Variants in MAP3K15 observed in about 807,000 individuals in gnomAD.
MAP3K15 encodes the protein mitogen-activated protein kinase kinase kinase 15.
A neutral mutation model predicts 99.5 loss-of-function variants in MAP3K15; 124 were observed. The ratio of observed to expected loss-of-function variants is 1.25; its 90% CI spans 1.08 to 1.45. The LOEUF (loss-of-function observed/expected upper bound fraction) is 1.45. Ranked by LOEUF, MAP3K15 falls within the 40% of genes most tolerant of loss-of-function variation. The pLI, the probability that MAP3K15 is intolerant of heterozygous loss-of-function variation, is 0.00. For missense variants in MAP3K15, 1,242 were observed against 1,079.7 expected (o/e 1.15, Z -2.11); for synonymous variants, 494 against 439.6 (o/e 1.12, Z -1.55).
At chrX:19,477,722 AG>A (rs1313034742) in intron 3 of MAP3K15, among the ~76,000 whole-genome samples, 1 of 69,399 alleles carries the variant, frequency 1.4e-5, no homozygotes. Flanking sequence ...AAAAAAAAAA[AG>A]AAGAAAAGAA....
At chrX:19,438,844 G>T (rs2063940333) in intron 6 of MAP3K15, among the ~76,000 whole-genome samples, 1 of 112,071 alleles carries the variant, frequency 8.9e-6, no homozygotes, top group Non-Finnish European at 1.9e-5. Context: ...CAATTAAGAT[G>T]TAGAAGAATG....
chrX:19,487,158 A>T (rs1356812804), intron 2 of MAP3K15, among the ~76,000 whole-genome samples: 1 of 109,651 alleles, frequency 9.1e-6, no homozygotes, highest in Non-Finnish European at 1.9e-5. Flanking sequence ...AGAAAACACC[A>T]TAACTAAACA....
chrX:19,488,071 C>T (rs1485092605), intron 2 of MAP3K15, among the ~76,000 whole-genome samples: 1 of 111,657 alleles, frequency 9.0e-6, no homozygotes, highest in Non-Finnish European at 1.9e-5. Flanking sequence ...CCGAGAAGCA[C>T]TGCTATAAAC....
intron 6 of MAP3K15, among the ~76,000 whole-genome samples, chrX:19,435,523 C>A (rs760468239): frequency 8.9e-6 from 1 of 111,944 alleles, no homozygotes; most frequent in Non-Finnish European, 1.9e-5. Flanking sequence ...CTTGAATTTT[C>A]TCATTAACTT....
At chrX:19,433,895 C>T (rs892196271) in intron 6 of MAP3K15, among the ~76,000 whole-genome samples, 3 of 110,992 alleles carry the variant, frequency 2.7e-5, no homozygotes, top group South Asian at 3.8e-4. Context: ...TGTCCATTAA[C>T]GGAAGAACAG....
At chrX:19,509,949 A>G (rs2064506617) in intron 1 of MAP3K15, among the ~76,000 whole-genome samples, 1 of 111,750 alleles carries the variant, frequency 8.9e-6, no homozygotes, top group Non-Finnish European at 1.9e-5. Flanking sequence ...AACTACCATC[A>G]GAGAACACTA....
chrX:19,483,950 T>C (rs1437379614), intron 3 of MAP3K15, among the ~76,000 whole-genome samples: 1 of 111,725 alleles, frequency 9.0e-6, no homozygotes, highest in African/African-American at 3.3e-5. Flanking sequence ...GCTTTTCCTC[T>C]TAGTGCAATT....
At chrX:19,456,478 T>A (rs746715267) in intron 6 of MAP3K15, among the ~76,000 whole-genome samples, 6 of 112,226 alleles carry the variant, frequency 5.3e-5, no homozygotes, top group Non-Finnish European at 1.1e-4. Flanking sequence ...GGGTTAAGGA[T>A]TGCCTGCAAA....
intron 6 of MAP3K15, among the ~76,000 whole-genome samples, chrX:19,445,987 T>A (rs866092130): frequency 2.3e-5 from 1 of 42,774 alleles, no homozygotes; most frequent in South Asian, 1.1e-3. Context: ...TAAATAAATA[T>A]TAATCAGCCA....
At chrX:19,463,758 C>T (rs762744541) in intron 4 of MAP3K15, among the ~76,000 whole-genome samples, 6 of 111,317 alleles carry the variant, frequency 5.4e-5, no homozygotes, top group Non-Finnish European at 1.1e-4. Flanking sequence ...CTCCACTCAA[C>T]GCACGAAGGC....
intron 1 of MAP3K15, among the ~76,000 whole-genome samples, chrX:19,513,604 A>G (rs2064536188): frequency 9.0e-6 from 1 of 111,498 alleles, no homozygotes; most frequent in African/African-American, 3.3e-5. Flanking sequence ...GCTCTGCAAG[A>G]AAAACAGATC....
intron 3 of MAP3K15, among the ~76,000 whole-genome samples, chrX:19,484,980 C>T (rs1157745022): frequency 2.7e-5 from 3 of 111,062 alleles, no homozygotes; most frequent in African/African-American, 9.8e-5. Flanking sequence ...CAATCTCCTT[C>T]GACTTCTTCC....
intron 24 of MAP3K15, among the ~76,000 whole-genome samples, chrX:19,370,154 C>T (rs746480153): frequency 9.0e-6 from 1 of 111,631 alleles, no homozygotes; most frequent in Non-Finnish European, 1.9e-5. Context: ...TGTAAAGCCT[C>T]CCTTAGCAGG....
At chrX:19,366,114 G>A (rs2063333168) in intron 25 of MAP3K15, among the ~76,000 whole-genome samples, 2 of 109,864 alleles carry the variant, frequency 1.8e-5, no homozygotes, top group African/African-American at 3.3e-5. Flanking sequence ...TGGATTATTT[G>A]GTGGCAAAGT....
intron 6 of MAP3K15, among the ~76,000 whole-genome samples, chrX:19,436,349 A>G (rs1166553555): frequency 9.1e-6 from 1 of 109,523 alleles, no homozygotes; most frequent in Admixed American, 9.8e-5. Context: ...ACAACCGTGC[A>G]CCCCTTCCTC....
intron 25 of MAP3K15, 97 bp downstream of exon 25, chrX:19,368,957 T>G: frequency 3.0e-5 from 28 of 920,674 alleles, no homozygotes; most frequent in Non-Finnish European, 4.0e-5. Context: ...AAGACCTGGG[T>G]GAGATGGTCA....
At chrX:19,502,381 C>A (rs1355579262) in intron 1 of MAP3K15, among the ~76,000 whole-genome samples, 2 of 111,361 alleles carry the variant, frequency 1.8e-5, no homozygotes, top group South Asian at 3.8e-4. Flanking sequence ...CTCATGAGAT[C>A]TGATGGTTTA....
intron 9 of MAP3K15, among the ~76,000 whole-genome samples, chrX:19,417,593 C>A (rs920325875): frequency 4.5e-5 from 5 of 111,996 alleles, no homozygotes; most frequent in African/African-American, 1.6e-4. Context: ...GCCTGCCTGC[C>A]TCTCTAGACT....
intron 23 of MAP3K15, 110 bp downstream of exon 23, chrX:19,371,235 A>G: frequency 1.1e-6 from 1 of 906,119 alleles, no homozygotes; most frequent in Non-Finnish European, 1.5e-6. Flanking sequence ...GGAGCTGCTG[A>G]AGCTTGGGAT....
Sources: gnomAD v4.1 joint callset for allele counts (sites outside exome capture counted in the v4.1 genomes callset) on GRCh38, gnomAD v4.1.1 for gene constraint, MANE v1.5 for transcripts, NCBI Gene and HGNC (gene_info 2026-07-23, HGNC 2026-07-21) for gene names.